ANXA4: variants seen among roughly 807,000 people sequenced by gnomAD.
ANXA4 encodes the protein 35-beta calcimedin.
In ANXA4, 39 loss-of-function variants were observed where a neutral mutation model predicts 49.8. The ratio of observed to expected loss-of-function variants is 0.78; its 90% CI spans 0.61 to 1.02. The LOEUF (loss-of-function observed/expected upper bound fraction) is 1.02. Among genes scored for constraint, ANXA4 ranks in the 50% least tolerant of loss-of-function variants. ANXA4 has a pLI of 0.00. For missense variants in ANXA4, 360 were observed against 410.1 expected (o/e 0.88, Z 1.05); for synonymous variants, 134 against 152.5 (o/e 0.88, Z 0.89).
intron 2 of ANXA4, among the ~76,000 whole-genome samples, chr2:69,656,981 A>G (rs1295250238): frequency 2.0e-5 from 3 of 151,506 alleles, no homozygotes; most frequent in Non-Finnish European, 4.4e-5. Flanking sequence ...GTTTTTACTG[A>G]TATAATCACT....
At chr2:69,702,811 A>T (rs1211420447) in intron 2 of ANXA4, among the ~76,000 whole-genome samples, 9 of 152,216 alleles carry the variant, frequency 5.9e-5, no homozygotes, top group Admixed American at 1.3e-4. Flanking sequence ...TTTAAAACGT[A>T]ACTATAAAAC....
intron 3 of ANXA4, among the ~76,000 whole-genome samples, chr2:69,732,403 G>A (rs1201780630): frequency 6.6e-6 from 1 of 152,070 alleles, no homozygotes; most frequent in Non-Finnish European, 1.5e-5. Context: ...CTGATATCTA[G>A]AAGTGATATA....
chr2:69,714,959 A>T (rs1678828907), intron 2 of ANXA4, among the ~76,000 whole-genome samples: 1 of 152,200 alleles, frequency 6.6e-6, no homozygotes. Flanking sequence ...ACAGATGTGG[A>T]GATGCTTTGG....
chr2:69,687,310 C>G (rs1677824464), intron 2 of ANXA4, among the ~76,000 whole-genome samples: 1 of 152,038 alleles, frequency 6.6e-6, no homozygotes. Context: ...TCGAGACCAG[C>G]CTGGGCAACA....
chr2:69,746,001 T>C (rs189355134), intron 1 of ANXA4, among the ~76,000 whole-genome samples: 1 of 151,884 alleles, frequency 6.6e-6, no homozygotes, highest in African/African-American at 2.4e-5. Context: ...GGATAGTTCT[T>C]TTGTTTGTTT....
At chr2:69,717,848 T>A (rs758490528) in intron 2 of ANXA4, among the ~76,000 whole-genome samples, 2 of 152,146 alleles carry the variant, frequency 1.3e-5, no homozygotes, top group African/African-American at 2.4e-5. Context: ...TTCTACCAGA[T>A]GACAGGCAAA....
intron 1 of ANXA4, among the ~76,000 whole-genome samples, chr2:69,749,588 A>AT (rs1670754468): frequency 1.3e-5 from 2 of 152,154 alleles, no homozygotes. Context: ...CAGTGAAGAT[A>AT]TTTTTTAAAA....
intron 9 of ANXA4, 61 bp downstream of exon 9, chr2:69,816,255 C>A: frequency 7.1e-7 from 1 of 1,406,436 alleles, no homozygotes; most frequent in South Asian, 1.2e-5. Flanking sequence ...ACTATATTGC[C>A]CATAAGTAGT....
At chr2:69,791,489 A>C (rs1268893077) in intron 3 of ANXA4, among the ~76,000 whole-genome samples, 1 of 152,238 alleles carries the variant, frequency 6.6e-6, no homozygotes, top group Non-Finnish European at 1.5e-5. Flanking sequence ...AGAGACATAA[A>C]CATGCTCCAA....
chr2:69,728,485 T>A (rs550405933), intron 3 of ANXA4, among the ~76,000 whole-genome samples: 1 of 152,238 alleles, frequency 6.6e-6, no homozygotes, highest in Non-Finnish European at 1.5e-5. Context: ...TATTAACCTA[T>A]GTGTTCTTCT....
At chr2:69,690,688 T>A (rs1573106544) in intron 2 of ANXA4, among the ~76,000 whole-genome samples, 1 of 152,346 alleles carries the variant, frequency 6.6e-6, no homozygotes, top group Middle Eastern at 3.4e-3. Context: ...GTCCAACCCC[T>A]TGAAACCTTA....
intron 2 of ANXA4, among the ~76,000 whole-genome samples, chr2:69,661,076 C>T (rs780084982): frequency 1.4e-5 from 2 of 147,472 alleles, no homozygotes; most frequent in African/African-American, 2.7e-5. Context: ...AGCAATTAGA[C>T]AGAAGACTTC....
intron 2 of ANXA4, among the ~76,000 whole-genome samples, chr2:69,711,100 T>C (rs11886285): frequency 0.058 from 8,789 of 152,236 alleles, 874 homozygotes; most frequent in African/African-American, 0.2. Context: ...GAGGCTGGGA[T>C]GGGTGGGTCA....
intron 12 of ANXA4, among the ~76,000 whole-genome samples, chr2:69,824,675 A>G (rs917629132): frequency 5.3e-5 from 8 of 152,180 alleles, no homozygotes; most frequent in Non-Finnish European, 8.8e-5. Context: ...AATATCCAAC[A>G]ATAGGGAGAG....
At chr2:69,796,415 G>C (rs1027834203) in intron 3 of ANXA4, among the ~76,000 whole-genome samples, 2 of 152,146 alleles carry the variant, frequency 1.3e-5, no homozygotes, top group African/African-American at 4.8e-5. Flanking sequence ...GGTACTATCT[G>C]GTCCTATAGC....
At chr2:69,687,258 C>T (rs558215486) in intron 2 of ANXA4, among the ~76,000 whole-genome samples, 3 of 152,296 alleles carry the variant, frequency 2.0e-5, no homozygotes, top group Admixed American at 6.5e-5. Flanking sequence ...AATCCCAGCA[C>T]TTTGGGAGGC....
At chr2:69,748,848 CT>C (rs1218139332) in intron 1 of ANXA4, among the ~76,000 whole-genome samples, 1 of 151,862 alleles carries the variant, frequency 6.6e-6, no homozygotes, top group Non-Finnish European at 1.5e-5. Context: ...GTAGCTGGGA[CT>C]ATAGGTGCAT....
intron 3 of ANXA4, among the ~76,000 whole-genome samples, chr2:69,802,914 C>A (rs554572336): frequency 6.6e-6 from 1 of 151,202 alleles, no homozygotes; most frequent in Non-Finnish European, 1.5e-5. Context: ...AATAGGAACA[C>A]GGCTGGGCAT....
At chr2:69,783,390 T>C (rs1672281753) in intron 2 of ANXA4, among the ~76,000 whole-genome samples, 1 of 152,220 alleles carries the variant, frequency 6.6e-6, no homozygotes, top group South Asian at 2.1e-4. Flanking sequence ...TAATTTTTTG[T>C]ATTTTTGGTA....
Sources: allele counts gnomAD v4.1 joint callset (sites outside exome capture counted in the v4.1 genomes callset), GRCh38; gene constraint gnomAD v4.1.1; transcripts MANE v1.5; gene names NCBI Gene and HGNC (gene_info 2026-07-23, HGNC 2026-07-21).